The following STAMBPL1 variants were observed in gnomAD, a reference collection of about 807,000 sequenced individuals.
STAMBPL1 encodes STAM binding protein like 1, also known as AMSH-like protease.
In STAMBPL1, 44 loss-of-function variants were observed where a neutral mutation model predicts 52.9. That is an observed-to-expected ratio of 0.83 (90% confidence interval 0.65 to 1.07). The LOEUF is 1.07. Among genes scored for constraint, STAMBPL1 ranks in the 50% least tolerant of loss-of-function variants. The probability of loss-of-function intolerance (pLI) is 0.00; values close to 1 mark genes in which losing one functional copy is unlikely to be tolerated. For missense variants in STAMBPL1, 511 were observed against 520.8 expected, an observed-to-expected ratio of 0.98 and a Z score of 0.18; for synonymous variants, 164 against 177.3, an observed-to-expected ratio of 0.92 and a Z score of 0.60.
chr10:88,896,729 C>A (rs1369319424), intron 1 of STAMBPL1, among the ~76,000 whole-genome samples: 1 of 152,110 alleles, frequency 6.6e-6, no homozygotes, highest in Non-Finnish European at 1.5e-5. Context: ...TATGCTGAGT[C>A]TCTTAGGAGA....
At chr10:88,916,958 G>T (rs989538974) in intron 8 of STAMBPL1, 141 bp downstream of exon 8, 1 of 862,086 alleles carries the variant, frequency 1.2e-6, no homozygotes, top group Non-Finnish European at 1.7e-6. Context: ...TTAAGTAGTG[G>T]TTCTCAAGCA....
chr10:88,893,514 G>A (rs1844738464), intron 1 of STAMBPL1, among the ~76,000 whole-genome samples: 1 of 152,144 alleles, frequency 6.6e-6, no homozygotes, highest in Non-Finnish European at 1.5e-5. Context: ...GGCCGAGGCG[G>A]GCGGATCACC....
At chr10:88,885,294 C>T (rs1844503647) in intron 1 of STAMBPL1, among the ~76,000 whole-genome samples, 1 of 152,194 alleles carries the variant, frequency 6.6e-6, no homozygotes, top group Non-Finnish European at 1.5e-5. Flanking sequence ...TTCCAGTCCT[C>T]TCTAATGTAG....
chr10:88,906,296 G>C (rs746812628), intron 3 of STAMBPL1, among the ~76,000 whole-genome samples: 11 of 152,158 alleles, frequency 7.2e-5, no homozygotes, highest in Non-Finnish European at 1.3e-4. Flanking sequence ...TTTCCTATTA[G>C]ACAGATATTT....
In STAMBPL1 at chr10:88,923,333, A is replaced by G; in HGVS notation, c.*109A>G. On this transcript the variant is annotated 3_prime_UTR_variant, in exon 11 of 11. Coordinates refer to ENST00000371926, the MANE Select transcript of STAMBPL1 (RefSeq NM_020799.4). ...AATGACTGATATTTTATATTTATACATTTTAGATGACAAAGCTTGATATTT... is the reference window on the plus strand; with the variant it reads ...AATGACTGATATTTTATATTTATACGTTTTAGATGACAAAGCTTGATATTT... 2.8e-6 allele frequency: 4 copies of G among 1,421,930 alleles called. No homozygotes were observed. The highest frequency in any genetic ancestry group is 1.6e-5 in the South Asian group (1 of 61,868). 88.1% of individuals were successfully genotyped at this position (1,421,930 alleles called of 1,614,324 possible).
At chr10:88,892,979 C>A (rs1000496983) in intron 1 of STAMBPL1, among the ~76,000 whole-genome samples, 7 of 152,156 alleles carry the variant, frequency 4.6e-5, no homozygotes, top group Non-Finnish European at 7.4e-5. Flanking sequence ...AACTAAGTAT[C>A]TTTTGGATAG....
chr10:88,887,931 T>G (rs1270038999), intron 1 of STAMBPL1, among the ~76,000 whole-genome samples: 1 of 152,228 alleles, frequency 6.6e-6, no homozygotes, highest in African/African-American at 2.4e-5. Flanking sequence ...TTCAAATTCT[T>G]TCTTCTACTT....
intron 9 of STAMBPL1, among the ~76,000 whole-genome samples, chr10:88,922,064 G>C (rs2133222002): frequency 1.3e-5 from 2 of 152,174 alleles, no homozygotes; most frequent in East Asian, 3.9e-4. Flanking sequence ...CTCTCTAGTG[G>C]GGCTTTGGCC....
chr10:88,883,390 A>G (rs1250206021), intron 1 of STAMBPL1, among the ~76,000 whole-genome samples: 4 of 152,188 alleles, frequency 2.6e-5, no homozygotes, highest in African/African-American at 4.8e-5. Flanking sequence ...AAAAAATACT[A>G]TTGGTACCTG....
chr10:88,921,420 C>T, intron 9 of STAMBPL1, 25 bp downstream of exon 9: 2 of 1,582,760 alleles, frequency 1.3e-6, no homozygotes, highest in Non-Finnish European at 1.7e-6. Flanking sequence ...TCAGGGGAGA[C>T]CAAAGAAGGC....
chr10:88,906,185 A>T (rs1012857454), intron 3 of STAMBPL1, among the ~76,000 whole-genome samples: 1 of 152,220 alleles, frequency 6.6e-6, no homozygotes, highest in Middle Eastern at 3.2e-3. Context: ...TTTCTTTTTA[A>T]AAAACATTTT....
chr10:88,893,369 G>T (rs1017328578), intron 1 of STAMBPL1, among the ~76,000 whole-genome samples: 1 of 152,156 alleles, frequency 6.6e-6, no homozygotes, highest in Non-Finnish European at 1.5e-5. Flanking sequence ...TGTCTAGATA[G>T]AATAATTATG....
intron 1 of STAMBPL1, among the ~76,000 whole-genome samples, chr10:88,893,326 A>G (rs1408076848): frequency 1.3e-5 from 2 of 152,382 alleles, no homozygotes; most frequent in South Asian, 2.1e-4. Context: ...TAGAATTTAT[A>G]TTAAAAACCA....
chr10:88,905,742 G>A (rs1589367504), intron 3 of STAMBPL1, 82 bp downstream of exon 3: 2 of 1,141,634 alleles, frequency 1.8e-6, no homozygotes, highest in Non-Finnish European at 2.5e-6. Context: ...TTGGGTATCA[G>A]TAATGTTTTC....
intron 8 of STAMBPL1, among the ~76,000 whole-genome samples, chr10:88,917,185 GCT>G (rs1383338943): frequency 2.0e-5 from 3 of 152,116 alleles, no homozygotes; most frequent in Non-Finnish European, 4.4e-5. Context: ...CCTAGTGAAG[GCT>G]TAGCCAAATT....
intron 5 of STAMBPL1, chr10:88,912,423 G>A (rs1050736623): frequency 3.9e-5 from 6 of 152,148 alleles, no homozygotes; most frequent in African/African-American, 1.4e-4. Context: ...CTCCTTTTTA[G>A]CAAAACTCTG....
intron 1 of STAMBPL1, 74 bp from the exon 2 acceptor site, chr10:88,901,582 T>C: frequency 1.2e-6 from 1 of 818,072 alleles, no homozygotes; most frequent in Non-Finnish European, 1.9e-6. Flanking sequence ...GAGGCAGAGA[T>C]AACCCTGGGG....
At chr10:88,917,436 A>G (rs1845399524) in intron 8 of STAMBPL1, among the ~76,000 whole-genome samples, 1 of 152,182 alleles carries the variant, frequency 6.6e-6, no homozygotes. Flanking sequence ...GAGCAAATCA[A>G]GTAGACATGA....
intron 1 of STAMBPL1, among the ~76,000 whole-genome samples, chr10:88,893,451 A>C (rs959300462): frequency 6.6e-6 from 1 of 152,262 alleles, no homozygotes; most frequent in South Asian, 2.1e-4. Flanking sequence ...CGATGAAAAA[A>C]GTGAAGGGAG....
Sources: allele counts gnomAD v4.1 joint callset (sites outside exome capture counted in the v4.1 genomes callset), GRCh38; gene constraint gnomAD v4.1.1; transcripts MANE v1.5; gene names NCBI Gene and HGNC (gene_info 2026-07-23, HGNC 2026-07-21).